Variants in MED16 observed in about 807,000 individuals in gnomAD.
The protein encoded by MED16 is mediator complex subunit 16.
In MED16, 81 loss-of-function variants were observed where a neutral mutation model predicts 84.4. That is an observed-to-expected ratio of 0.96 (90% CI 0.80 to 1.15). The LOEUF (loss-of-function observed/expected upper bound fraction) is 1.15. MED16 is among the 50% of genes most tolerant of loss of function. The pLI is 0.00. For missense variants in MED16, 1,585 were observed against 1,245.9 expected, an observed-to-expected ratio of 1.27 and a Z score of -4.10; for synonymous variants, 897 against 552.2, an observed-to-expected ratio of 1.62 and a Z score of -8.76.
Position 886,060 on chromosome 19 carries a change from C to T in MED16, c.589G>A (p.Gly197Arg), listed in dbSNP as rs773865989. The T allele has an allele frequency of 5.2e-5, 83 of 1,592,636 alleles. No homozygotes were observed. The highest frequency in any genetic ancestry group is 6.7e-5 in the Non-Finnish European group (79 of 1,174,098). The stretch of plus-strand genomic sequence containing the variant: ...CTCTCGGTGGACGTCAGCACCTGCC[C>T]GCTGGGCTTCAGCAGGGACACGGTG... Reference protein sequence around the residue: ...LVTVSLLKPSGQVLTSTESLC... With the variant: ...LVTVSLLKPSRQVLTSTESLC... Residue 197 changes from glycine to arginine, a missense_variant, in exon 5 of 16, where the codon GGG becomes AGG. Physicochemically the swap from Gly to Arg is moderately radical, Grantham distance 125. Transcript: ENST00000325464.
chr19:888,319 C>T (rs1263573639), intron 4 of MED16, among the ~76,000 whole-genome samples: 1 of 151,836 alleles, frequency 6.6e-6, no homozygotes, highest in Non-Finnish European at 1.5e-5. Flanking sequence ...GTGAGAAGTT[C>T]GAGACCAGCC....
At chr19:870,275 G>A (rs1487747969) in intron 13 of MED16, among the ~76,000 whole-genome samples, 3 of 152,166 alleles carry the variant, frequency 2.0e-5, no homozygotes, top group African/African-American at 4.8e-5. Context: ...GAAACACCAA[G>A]GCAAGGCCGG....
At chr19:877,316 G>C in intron 8 of MED16, 136 bp from the exon 9 acceptor site, 2 of 772,580 alleles carry the variant, frequency 2.6e-6, no homozygotes, top group Middle Eastern at 3.8e-4. Flanking sequence ...CTGTGTGCGC[G>C]CATGTGTCTG....
intron 10 of MED16, 40 bp downstream of exon 10, chr19:875,204 G>T: frequency 7.5e-7 from 1 of 1,330,004 alleles, no homozygotes; most frequent in Non-Finnish European, 1.0e-6. Flanking sequence ...ATAAATAGAT[G>T]AAAGAAACCT....
At position 878,059 on chromosome 19, in the gene MED16, C is replaced by A. The variant is rs1169762832; in HGVS notation, c.1354-879G>T. 1.0e-4 allele frequency among the ~76,000 whole-genome samples: 14 copies of A among 138,618 alleles called. 1 individual carries two copies. The highest frequency in any genetic ancestry group is 1.5e-5 in the Non-Finnish European group (1 of 64,746). The allele number at this position is 138,618 out of a possible 152,430, so 90.9% of individuals were successfully genotyped here. ...AGCCCCACGTGCCCCAGCAGCTCGC[C>A]TTCCCCTGGCTGTCAATGCCCCCCA... is the stretch of plus-strand genomic sequence containing the variant. On this transcript the variant is annotated intron_variant, in intron 8 of 15. Transcript: ENST00000325464.
At chr19:887,128 A>G (rs2930902) in intron 4 of MED16, among the ~76,000 whole-genome samples, 18,479 of 152,192 alleles carry the variant, frequency 0.12, 1,493 homozygotes, top group Middle Eastern at 0.21. Flanking sequence ...GTTGTGAAAA[A>G]ATGCGAGGAA....
rs1318797585 is a variant in MED16, at chr19:868,877, G to A, written c.2385C>T (p.Cys795=). 1.9e-6 allele frequency: 3 copies of A among 1,550,774 alleles called. No homozygotes were observed. Among genetic ancestry groups the A allele is most frequent in the Admixed American group, 2.0e-5 (1 of 50,876 alleles). Residue 795 remains cysteine (C), a synonymous_variant, in exon 14 of 16, where the codon TGC becomes TGT. Coordinates refer to ENST00000325464, the MANE Select transcript of MED16 (RefSeq NM_005481.3). ...GGGCCCCTCACCTGGTGCAGGCCTT[G>A]CATTCCTCCGTGGGGCAAGCGCCAA... The part of the protein sequence containing the change: ...LHLGACPTEE[C]KACTRCGCVT...
intron 13 of MED16, 99 bp from the exon 14 acceptor site, chr19:869,045 G>T: frequency 2.9e-6 from 3 of 1,049,950 alleles, no homozygotes; most frequent in Admixed American, 2.9e-5. Flanking sequence ...GGAATGGCCG[G>T]CCTCACACCA....
chr19:872,852 G>A (rs912097776), intron 11 of MED16: 6 of 644,428 alleles, frequency 9.3e-6, no homozygotes, highest in Admixed American at 1.1e-4. Context: ...AAGGAGCAGG[G>A]CCTGGGAGGC....
intron 10 of MED16, among the ~76,000 whole-genome samples, chr19:874,839 C>T (rs532745905): frequency 6.6e-6 from 1 of 152,146 alleles, no homozygotes; most frequent in South Asian, 2.1e-4. Context: ...CACCGTGCTG[C>T]AACCTGGATG....
At chr19:876,860 C>G in intron 9 of MED16, 114 bp downstream of exon 9, 2 of 898,242 alleles carry the variant, frequency 2.2e-6, no homozygotes, top group Non-Finnish European at 3.0e-6. Flanking sequence ...CCACCTGGCA[C>G]GGGACCACCT....
chr19:869,144 C>A (rs2035987682), intron 13 of MED16, among the ~76,000 whole-genome samples, 198 bp from the exon 14 acceptor site: 3 of 152,140 alleles, frequency 2.0e-5, no homozygotes, highest in Non-Finnish European at 2.9e-5. Flanking sequence ...GCGGGACCCC[C>A]CACACGGAGG....
At chr19:889,410 G>A (rs1448427928) in intron 4 of MED16, among the ~76,000 whole-genome samples, 2 of 152,180 alleles carry the variant, frequency 1.3e-5, no homozygotes, top group African/African-American at 2.4e-5. Context: ...ACACGCAGGT[G>A]CCAATGACAG....
intron 11 of MED16, 148 bp downstream of exon 11, chr19:873,301 C>G: frequency 1.6e-6 from 1 of 616,468 alleles, no homozygotes; most frequent in Non-Finnish European, 2.6e-6. Context: ...GGGCGGGACT[C>G]CAAGTAGGGG....
intron 3 of MED16, 105 bp downstream of exon 3, chr19:890,032 G>T: frequency 1.1e-6 from 1 of 897,612 alleles, no homozygotes; most frequent in South Asian, 1.7e-5. Flanking sequence ...GCAGACCAGG[G>T]GCTCTAGACC....
intron 1 of MED16, 39 bp downstream of exon 1, chr19:893,047 C>A: frequency 6.5e-6 from 1 of 152,764 alleles, no homozygotes; most frequent in South Asian, 1.9e-4. Context: ...GGTCAGGGGT[C>A]CGTCCGCCCT....
At chr19:868,345 C>G (rs751901503) in intron 15 of MED16, 71 bp downstream of exon 15, 43 of 1,590,638 alleles carry the variant, frequency 2.7e-5, no homozygotes, top group Middle Eastern at 1.7e-4. Flanking sequence ...TGAGGGGTAG[C>G]TGAGGAGTAG....
chr19:877,616 C>T (rs1411928927), intron 8 of MED16, among the ~76,000 whole-genome samples: 1 of 91,684 alleles, frequency 1.1e-5, no homozygotes, highest in African/African-American at 4.8e-5. Context: ...TCCCTTCCCC[C>T]GGGGGCGCCT....
chr19:875,216 G>A (rs975336643), intron 10 of MED16, 28 bp downstream of exon 10: 6 of 1,458,898 alleles, frequency 4.1e-6, no homozygotes, highest in Non-Finnish European at 5.6e-6. Flanking sequence ...AAGAAACCTC[G>A]AGGCCCCGGG....
Sources: allele counts gnomAD v4.1 joint callset (sites outside exome capture counted in the v4.1 genomes callset), GRCh38; gene constraint gnomAD v4.1.1; transcripts MANE v1.5; gene names NCBI Gene and HGNC (gene_info 2026-07-23, HGNC 2026-07-21).